TRPC1: variants seen among roughly 807,000 people sequenced by gnomAD.
TRPC1 encodes transient receptor potential cation channel subfamily C member 1.
Under a neutral mutation model 88.2 loss-of-function variants are expected in TRPC1, and 42 were observed. The observed-to-expected ratio is 0.48, with a 90% CI of 0.37 to 0.62. TRPC1 has a LOEUF of 0.62. TRPC1 is among the 20% of genes least tolerant of loss of function. The pLI, the probability that TRPC1 is intolerant of heterozygous loss-of-function variation, is 0.00. For synonymous variants in TRPC1, 288 were observed against 331.8 expected (o/e 0.87, Z 1.43); for missense variants, 699 against 957.3 (o/e 0.73, Z 3.56).
intron 4 of TRPC1, among the ~76,000 whole-genome samples, chr3:142,772,192 T>C (rs1012132926): frequency 5.9e-5 from 9 of 152,160 alleles, no homozygotes; most frequent in African/African-American, 2.2e-4. Flanking sequence ...CTGGATGTGT[T>C]GGTTGTTTTT....
At chr3:142,774,193 T>G (rs2108102789) in intron 4 of TRPC1, among the ~76,000 whole-genome samples, 1 of 152,326 alleles carries the variant, frequency 6.6e-6, no homozygotes, top group African/African-American at 2.4e-5. Context: ...GGGGAATGCA[T>G]TTGAAGTTGT....
At chr3:142,747,583 G>A (rs1934603878) in intron 3 of TRPC1, among the ~76,000 whole-genome samples, 1 of 152,106 alleles carries the variant, frequency 6.6e-6, no homozygotes, top group Non-Finnish European at 1.5e-5. Flanking sequence ...TTTCTTCGTG[G>A]GGATTATAAT....
intron 1 of TRPC1, among the ~76,000 whole-genome samples, chr3:142,729,623 G>A (rs1393058542): frequency 1.3e-5 from 2 of 152,166 alleles, no homozygotes; most frequent in Admixed American, 6.5e-5. Context: ...CTTGGAGGAA[G>A]AGTGTGAAAA....
chr3:142,744,283 G>A (rs1328296441), intron 3 of TRPC1, among the ~76,000 whole-genome samples: 2 of 151,988 alleles, frequency 1.3e-5, no homozygotes, highest in African/African-American at 4.8e-5. Flanking sequence ...GATAGCAAGG[G>A]AGTATTACAG....
In TRPC1 at chr3:142,756,184, C is replaced by T. The variant is rs1159965054; in HGVS notation, c.632+7724C>T. ...AGCTGCTCAACATTTGAGTTGTTTC[C>T]AGTTTTTGGCAGTGAACATTCACTT... On this transcript the variant is annotated intron_variant, in intron 4 of 12. Transcript: ENST00000476941. Among the ~76,000 whole-genome samples the T allele has an allele frequency of 2.6e-5, 4 of 152,158 alleles. No individual in the cohort carries two copies. In the East Asian group the frequency reaches 7.7e-4, roughly 29 times the overall value.
intron 1 of TRPC1, among the ~76,000 whole-genome samples, chr3:142,729,136 C>T (rs1273629726): frequency 6.6e-6 from 1 of 152,164 alleles, no homozygotes; most frequent in African/African-American, 2.4e-5. Context: ...TTAACAACAG[C>T]AACGAAAGAC....
Position 142,724,510 on chromosome 3 carries a change from C to T in TRPC1, c.-50C>T. 1 of 1,464,476 alleles carries T rather than the reference C, an allele frequency of 6.8e-7. No individual in the cohort carries two copies. The allele number at this position is 1,464,476 out of a possible 1,614,324, so 90.7% of individuals were successfully genotyped here. ...CTGGGGTCGGGGTCGGGGTCGGGGC[C>T]GGTGGGGGCCCCGCCCCCGTCTCCT... is the stretch of plus-strand genomic sequence containing the variant. On this transcript the variant is annotated 5_prime_UTR_variant, in exon 1 of 13. Coordinates refer to ENST00000476941, the MANE Select transcript of TRPC1 (RefSeq NM_001251845.2). The surrounding 1 kb of genome is among the most constrained non-coding windows in gnomAD (Gnocchi z 5.6).
chr3:142,787,121 C>T (rs1018836953), intron 7 of TRPC1, among the ~76,000 whole-genome samples: 1 of 152,174 alleles, frequency 6.6e-6, no homozygotes, highest in Non-Finnish European at 1.5e-5. Context: ...CCATATTCTA[C>T]CTCACTAGAA....
intron 9 of TRPC1, among the ~76,000 whole-genome samples, chr3:142,801,622 A>G (rs1317316581): frequency 1.3e-5 from 2 of 152,136 alleles, no homozygotes; most frequent in East Asian, 1.9e-4. Context: ...TGCACACATA[A>G]TATTTTCTTA....
rs576231867 is a variant in TRPC1 at position 142,806,278 on chromosome 3, C to G, written c.*43C>G. 54 of 1,467,360 alleles carry G rather than the reference C, an allele frequency of 3.7e-5. 1 individual carries two copies. The South Asian group carries it at 6.3e-4, about 17-fold the overall frequency. The allele number at this position is 1,467,360 out of a possible 1,614,324, so 90.9% of individuals were successfully genotyped here. A position where few individuals can be genotyped will look rare whatever the true frequency, so the allele number is the denominator to read the frequency against. On this transcript the variant is annotated 3_prime_UTR_variant, in exon 13 of 13. Transcript: ENST00000476941. ...GAGCGAATAATTTTCAATAACAGAT[C>G]CAAAAGACTATATTGCATAACTTGC...
At chr3:142,783,974 C>G (rs1281359942) in intron 6 of TRPC1, among the ~76,000 whole-genome samples, 1 of 152,030 alleles carries the variant, frequency 6.6e-6, no homozygotes, top group Non-Finnish European at 1.5e-5. Context: ...GTTTCTGTAC[C>G]TGAACTAAAA....
At chr3:142,784,659 C>A in intron 6 of TRPC1, 45 bp from the exon 7 acceptor site, 1 of 1,447,082 alleles carries the variant, frequency 6.9e-7, no homozygotes, top group Non-Finnish European at 9.4e-7. Context: ...TTAAAGGTTT[C>A]CTTTTACTTT....
intron 9 of TRPC1, chr3:142,801,264 TC>T (rs912531144): frequency 2.0e-5 from 3 of 151,622 alleles, no homozygotes; most frequent in African/African-American, 7.3e-5. Context: ...TGCGGGAAAG[TC>T]CCCCCCAAAA....
At chr3:142,802,118 A>T in intron 9 of TRPC1, 51 bp from the exon 10 acceptor site, 1 of 1,260,494 alleles carries the variant, frequency 7.9e-7, no homozygotes. Flanking sequence ...TATATTTAAT[A>T]TTTTGTTTTT....
At chr3:142,793,196 C>T (rs1473257029) in intron 9 of TRPC1, among the ~76,000 whole-genome samples, 4 of 151,964 alleles carry the variant, frequency 2.6e-5, no homozygotes, top group African/African-American at 7.2e-5. Context: ...CCATTAGCCT[C>T]CTCCCCCCAC....
chr3:142,759,456 T>G (rs1486764093), intron 4 of TRPC1, among the ~76,000 whole-genome samples: 3 of 152,266 alleles, frequency 2.0e-5, no homozygotes, highest in Non-Finnish European at 4.4e-5. Flanking sequence ...ATGTGTCTGT[T>G]GGGTGCATAA....
At chr3:142,769,031 G>A (rs1462703790) in intron 4 of TRPC1, among the ~76,000 whole-genome samples, 2 of 151,884 alleles carry the variant, frequency 1.3e-5, no homozygotes, top group Non-Finnish European at 2.9e-5. Context: ...GTGGATTCCA[G>A]TTACCGTTTC....
chr3:142,770,179 C>T (rs958939077), intron 4 of TRPC1, among the ~76,000 whole-genome samples: 1 of 149,090 alleles, frequency 6.7e-6, no homozygotes, highest in African/African-American at 2.5e-5. Flanking sequence ...CTACTGTAAC[C>T]TCTGCCTCCT....
intron 8 of TRPC1, among the ~76,000 whole-genome samples, 192 bp downstream of exon 8, chr3:142,791,350 T>C (rs1166946442): frequency 6.6e-6 from 1 of 152,180 alleles, no homozygotes; most frequent in Non-Finnish European, 1.5e-5. Context: ...CTTTACATGA[T>C]GGTTATTTAT....
Sources: gnomAD v4.1 joint callset for allele counts (sites outside exome capture counted in the v4.1 genomes callset) on GRCh38, gnomAD v4.1.1 for gene constraint, Gnocchi (gnomAD v3.1) non-coding constraint, MANE v1.5 for transcripts, NCBI Gene and HGNC (gene_info 2026-07-23, HGNC 2026-07-21) for gene names.